The following SAMD12 variants were observed in gnomAD, a reference collection of about 807,000 sequenced individuals.
The protein encoded by SAMD12 is sterile alpha motif domain-containing protein 12.
Under a neutral mutation model 15.0 loss-of-function variants are expected in SAMD12, and 9 were observed. That is an observed-to-expected ratio of 0.60 (90% CI 0.36 to 1.05). The LOEUF (loss-of-function observed/expected upper bound fraction) is 1.05, where lower values mean the gene tolerates loss of function less well. SAMD12 is among the 50% of genes least tolerant of loss of function. SAMD12 has a pLI of 0.01. For synonymous variants in SAMD12, 86 were observed against 90.1 expected (o/e 0.96, Z 0.25); for missense variants, 230 against 234.2 (o/e 0.98, Z 0.12).
intron 4 of SAMD12, among the ~76,000 whole-genome samples, chr8:118,255,689 A>C (rs957952503): frequency 6.6e-6 from 1 of 151,070 alleles, no homozygotes; most frequent in Non-Finnish European, 1.5e-5. Flanking sequence ...TGAACTCATC[A>C]TTTTTCATGG....
rs143719479 is a variant in SAMD12 at position 118,232,520 on chromosome 8, A to G, written c.434-34788T>C. Among the ~76,000 whole-genome samples, 981 of 152,288 alleles carry G rather than the reference A, an allele frequency of 6.4e-3. 5 individuals carry two copies. Among genetic ancestry groups the G allele is most frequent in the Non-Finnish European group, 8.4e-3 (570 of 68,026 alleles). On this transcript the variant is annotated intron_variant, in intron 4 of 4. Transcript: ENST00000409003. Reference sequence around the variant, plus strand: ...TTGTTGGAGGGTAATAGCATCTGCTATATCAGCAGAGGAAAAGAGTTCTCA... The same window carrying G: ...TTGTTGGAGGGTAATAGCATCTGCTGTATCAGCAGAGGAAAAGAGTTCTCA...
At position 118,580,839 on chromosome 8, in the gene SAMD12, C is replaced by A; in HGVS notation, c.68G>T (p.Gly23Val). Residue 23 changes from glycine (G) to valine (V), a missense_variant, in exon 2 of 4, where the codon GGT becomes GTT. By Grantham distance (109) the Gly-to-Val change is moderately radical (BLOSUM62 -3). Coordinates refer to ENST00000314727, the MANE Select transcript of SAMD12 (RefSeq NM_207506.3). Reference sequence around the variant, plus strand: ...TTCACCTTCAATTTGCAGTTTAATACCTTCAGCATGGGCAGGGTGATCAAT... The same window carrying A: ...TTCACCTTCAATTTGCAGTTTAATAACTTCAGCATGGGCAGGGTGATCAAT... ...RGIDHPAHAE[G>V]IKLQIEGEGV... The A allele has an allele frequency of 6.2e-7, 1 of 1,612,720 alleles. No individual in the cohort carries two copies. The highest frequency in any genetic ancestry group is 8.5e-7 in the Non-Finnish European group (1 of 1,179,220).
chr8:118,152,296 C>T, the SAMD12 span, among the ~76,000 whole-genome samples: 1 of 152,126 alleles, frequency 6.6e-6, no homozygotes, highest in Non-Finnish European at 1.5e-5. Flanking sequence ...GCCACCACCC[C>T]CACCAAAAAG....
chr8:118,538,303 C>A (rs377396261), intron 2 of SAMD12, among the ~76,000 whole-genome samples: 13 of 152,280 alleles, frequency 8.5e-5, no homozygotes, highest in African/African-American at 2.9e-4. Flanking sequence ...CCACTGGCTA[C>A]AAGCCCAGCA....
chr8:118,556,818 G>T (rs1185532056), intron 2 of SAMD12, among the ~76,000 whole-genome samples: 3 of 152,064 alleles, frequency 2.0e-5, no homozygotes, highest in African/African-American at 4.8e-5. Context: ...CAAAAAATTG[G>T]CTGGGTGTGG....
chr8:118,492,656 C>T (rs1043622638), intron 2 of SAMD12, among the ~76,000 whole-genome samples: 7 of 152,014 alleles, frequency 4.6e-5, no homozygotes, highest in African/African-American at 7.3e-5. Flanking sequence ...CAGTATATCC[C>T]CCAGTTATTT....
chr8:118,476,749 A>T (rs1246935369), intron 2 of SAMD12, among the ~76,000 whole-genome samples: 1 of 152,178 alleles, frequency 6.6e-6, no homozygotes. Context: ...CTAAAAATAC[A>T]TACTAAAATT....
chr8:118,431,922 C>A (rs951924609), intron 3 of SAMD12, among the ~76,000 whole-genome samples: 3 of 152,064 alleles, frequency 2.0e-5, no homozygotes, highest in African/African-American at 7.2e-5. Flanking sequence ...CTTGGATGTT[C>A]TGCTCTGTTG....
At chr8:118,383,649 C>T (rs139067617) in intron 3 of SAMD12, among the ~76,000 whole-genome samples, 43 of 152,206 alleles carry the variant, frequency 2.8e-4, no homozygotes, top group African/African-American at 1.0e-3. Context: ...ACAAGAAGCA[C>T]CAACTGAATT....
chr8:118,477,120 C>A (rs1252216156), intron 2 of SAMD12, among the ~76,000 whole-genome samples: 1 of 150,816 alleles, frequency 6.6e-6, no homozygotes, highest in African/African-American at 2.4e-5. Context: ...GCCTGGAGTG[C>A]AGTGTTGTGA....
intron 4 of SAMD12, among the ~76,000 whole-genome samples, chr8:118,242,325 C>A (rs905906242): frequency 6.6e-6 from 1 of 151,998 alleles, no homozygotes; most frequent in Admixed American, 6.6e-5. Flanking sequence ...GCCAGAAAAC[C>A]TTAAAGTAGG....
At chr8:118,193,303 A>G (rs890956406) in exon 5 of SAMD12, 1 of 152,252 alleles carries the variant, frequency 6.6e-6, no homozygotes. Context: ...CGCTTTCAAA[A>G]GAATGCTCTC....
At chr8:118,353,064 G>A (rs1818040430) in intron 4 of SAMD12, among the ~76,000 whole-genome samples, 1 of 151,644 alleles carries the variant, frequency 6.6e-6, no homozygotes, top group Non-Finnish European at 1.5e-5. Flanking sequence ...ATTGCTGTAT[G>A]TTTTCAGTTT....
intron 2 of SAMD12, among the ~76,000 whole-genome samples, chr8:118,528,965 CAA>C (rs1648020561): frequency 6.6e-6 from 1 of 151,936 alleles, no homozygotes; most frequent in Non-Finnish European, 1.5e-5. Context: ...AGAAAAAAGA[CAA>C]GAGGAAGAAA....
chr8:118,554,864 G>A (rs183340216), intron 2 of SAMD12, among the ~76,000 whole-genome samples: 1 of 152,134 alleles, frequency 6.6e-6, no homozygotes, highest in Non-Finnish European at 1.5e-5. Context: ...CAGACAGCAT[G>A]CCTGTCCTAT....
chr8:118,301,201 G>T (rs1383471406), intron 4 of SAMD12, among the ~76,000 whole-genome samples: 2 of 152,126 alleles, frequency 1.3e-5, no homozygotes, highest in Non-Finnish European at 2.9e-5. Flanking sequence ...AAGAGCAAAA[G>T]GTGGTGGGGT....
At chr8:118,224,574 C>G (rs936712368) in intron 4 of SAMD12, among the ~76,000 whole-genome samples, 1 of 152,110 alleles carries the variant, frequency 6.6e-6, no homozygotes, top group Non-Finnish European at 1.5e-5. Context: ...ATAGGACAGA[C>G]AGCCACAGGC....
At chr8:118,499,432 C>T (rs1416634744) in intron 2 of SAMD12, among the ~76,000 whole-genome samples, 2 of 152,194 alleles carry the variant, frequency 1.3e-5, no homozygotes, top group Non-Finnish European at 2.9e-5. Context: ...ATTAACCTGA[C>T]CTATTTCCAG....
At chr8:118,185,163 A>G (rs182454188), downstream of SAMD12, among the ~76,000 whole-genome samples, 1 of 152,258 alleles carries the variant, frequency 6.6e-6, no homozygotes, top group African/African-American at 2.4e-5. Context: ...TTTAGAATTA[A>G]GAAGGAAAGT....
Sources: allele counts gnomAD v4.1 joint callset (sites outside exome capture counted in the v4.1 genomes callset), GRCh38; gene constraint gnomAD v4.1.1; transcripts MANE v1.5; gene names NCBI Gene and HGNC (gene_info 2026-07-23, HGNC 2026-07-21).